The following CCDC102B variants were observed in gnomAD, a reference collection of about 807,000 sequenced individuals.
The protein encoded by CCDC102B is coiled-coil domain-containing protein 102B.
A neutral mutation model predicts 57.4 loss-of-function variants in CCDC102B; 75 were observed. The observed-to-expected ratio is 1.31, with a 90% confidence interval of 1.08 to 1.58. The LOEUF is 1.58. Among genes scored for constraint, CCDC102B ranks in the 40% most tolerant of loss-of-function variants. CCDC102B has a pLI of 0.00. For missense variants in CCDC102B, 636 were observed against 582.6 expected (o/e 1.09, Z -0.94); for synonymous variants, 206 against 201.9 (o/e 1.02, Z -0.17).
intron 6 of CCDC102B, among the ~76,000 whole-genome samples, chr18:68,947,001 T>C (rs903905591): frequency 6.6e-6 from 1 of 151,954 alleles, no homozygotes; most frequent in Non-Finnish European, 1.5e-5. Context: ...GAAATGGAGA[T>C]TTTCACATAT....
chr18:68,773,866 A>T (rs897768476), intron 2 of CCDC102B, among the ~76,000 whole-genome samples: 2 of 152,066 alleles, frequency 1.3e-5, no homozygotes, highest in African/African-American at 4.8e-5. Context: ...GAAATAGTCA[A>T]ATATTTATAT....
intron 4 of CCDC102B, among the ~76,000 whole-genome samples, chr18:68,855,451 A>G (rs1309922808): frequency 6.6e-6 from 1 of 152,186 alleles, no homozygotes; most frequent in Non-Finnish European, 1.5e-5. Flanking sequence ...TTCTTTACAT[A>G]TTTTAACAGA....
intron 7 of CCDC102B, among the ~76,000 whole-genome samples, chr18:69,032,886 A>G (rs2052185748): frequency 6.6e-6 from 1 of 152,128 alleles, no homozygotes; most frequent in East Asian, 1.9e-4. Flanking sequence ...TATTTAGCAG[A>G]CAAGAGAAGA....
intron 6 of CCDC102B, among the ~76,000 whole-genome samples, chr18:68,986,965 AAG>A (rs1425285449): frequency 2.0e-5 from 3 of 152,216 alleles, no homozygotes; most frequent in Non-Finnish European, 4.4e-5. Context: ...CATGGATTGG[AAG>A]AGTCAATATC....
In CCDC102B at chr18:68,836,921, CTG is replaced by C. The variant is rs1269293623; in HGVS notation, c.159_160del (p.Ala54SerfsTer9). The stretch of plus-strand genomic sequence containing the variant: ...CCACTTCATGGGCTACAATCTCATG[CTG>C]CTCACAATTTCTGTGCTCACTCATA... On this transcript the variant is annotated frameshift_variant, in exon 2 of 8. Coordinates refer to ENST00000360242, the MANE Select transcript of CCDC102B (RefSeq NM_024781.3). LOFTEE classifies it high-confidence loss of function. The C allele has an allele frequency of 6.2e-7, 1 of 1,614,144 alleles. No individual in the cohort carries two copies. The highest frequency in any genetic ancestry group is 2.2e-5 in the East Asian group (1 of 44,868).
chr18:68,986,396 A>G (rs968476482), intron 6 of CCDC102B, among the ~76,000 whole-genome samples: 55 of 152,206 alleles, frequency 3.6e-4, no homozygotes, highest in African/African-American at 1.3e-3. Flanking sequence ...CAAACACCAT[A>G]TGATCGTCTC....
At chr18:68,853,846 G>A (rs74891530) in intron 4 of CCDC102B, among the ~76,000 whole-genome samples, 17,568 of 152,000 alleles carry the variant, frequency 0.12, 1,205 homozygotes, top group Admixed American at 0.16. Context: ...ATAATAAAGT[G>A]TGTGTTTGCA....
At chr18:68,776,860 G>A (rs2034836618) in intron 2 of CCDC102B, among the ~76,000 whole-genome samples, 2 of 151,984 alleles carry the variant, frequency 1.3e-5, no homozygotes. Context: ...ATTATTTCTG[G>A]TTAGTCTCAA....
Position 68,857,304 on chromosome 18 carries a change from ATATATATTTATATATT to A in CCDC102B, c.936+10884_936+10899del, listed in dbSNP as rs1426763987. ...TATATATTTATATATTATATATATA[ATATATATTTATATATT>A]ATATATATAAAATATATATTTATAT... is the stretch of plus-strand genomic sequence containing the variant. On this transcript the variant is annotated intron_variant, in intron 4 of 7. Coordinates refer to ENST00000360242, the MANE Select transcript of CCDC102B (RefSeq NM_024781.3). Among the ~76,000 whole-genome samples the A allele has an allele frequency of 9.0e-3, 31 of 3,450 alleles. 6 individuals are homozygous for A. The highest frequency in any genetic ancestry group is 0.051 in the East Asian group (8 of 156). The allele number at this position is 3,450 out of a possible 152,430, so 2.3% of individuals were successfully genotyped here.
intron 2 of CCDC102B, among the ~76,000 whole-genome samples, chr18:68,776,658 C>T (rs2034827975): frequency 6.6e-6 from 1 of 151,886 alleles, no homozygotes; most frequent in Admixed American, 6.6e-5. Flanking sequence ...CGTGGCCTGT[C>T]AGAGGGTGGA....
At chr18:68,832,264 T>C (rs1454377584) in intron 1 of CCDC102B, among the ~76,000 whole-genome samples, 1 of 152,214 alleles carries the variant, frequency 6.6e-6, no homozygotes, top group Non-Finnish European at 1.5e-5. Flanking sequence ...ATTTCATTTT[T>C]CAGATAATAC....
intron 6 of CCDC102B, among the ~76,000 whole-genome samples, chr18:68,932,029 A>C (rs998022955): frequency 3.3e-5 from 5 of 151,808 alleles, no homozygotes; most frequent in Admixed American, 6.6e-5. Context: ...CATTCAGTGA[A>C]TGTTTACTGA....
intron 1 of CCDC102B, among the ~76,000 whole-genome samples, chr18:68,834,344 T>C (rs886174573): frequency 6.6e-6 from 1 of 151,266 alleles, no homozygotes; most frequent in Admixed American, 6.6e-5. Flanking sequence ...TGAATTAAAT[T>C]CTCTGTCTTC....
chr18:68,868,981 C>T (rs1035617816), intron 4 of CCDC102B, among the ~76,000 whole-genome samples: 7 of 151,926 alleles, frequency 4.6e-5, no homozygotes, highest in Non-Finnish European at 8.8e-5. Flanking sequence ...GATGATTAAA[C>T]GGATGTTGCA....
In CCDC102B at chr18:69,037,250, A is replaced by T. The variant is rs952363583; in HGVS notation, c.1435-16780A>T. Among the ~76,000 whole-genome samples, 22 of 152,102 alleles carry T rather than the reference A, an allele frequency of 1.4e-4. 1 individual carries two copies. In the South Asian group the frequency reaches 3.5e-3, roughly 24 times the overall value. The stretch of plus-strand genomic sequence containing the variant: ...GTCGTGGATGTGTATATGCACCCAC[A>T]CATCCGTATGTACAAACACATCCAT... On this transcript the variant is annotated intron_variant, in intron 7 of 7. Coordinates refer to ENST00000360242, the MANE Select transcript of CCDC102B (RefSeq NM_024781.3).
intron 6 of CCDC102B, among the ~76,000 whole-genome samples, chr18:68,938,981 C>A (rs976480644): frequency 1.3e-5 from 2 of 151,692 alleles, no homozygotes; most frequent in African/African-American, 4.8e-5. Flanking sequence ...TACAGAAAAT[C>A]TTTTGAAATA....
upstream of CCDC102B, among the ~76,000 whole-genome samples, chr18:68,794,741 C>T (rs1211820786): frequency 1.3e-5 from 2 of 152,010 alleles, no homozygotes; most frequent in African/African-American, 4.8e-5. Context: ...TGTGTGTGCA[C>T]AGGGGTATTA....
intron 1 of CCDC102B, among the ~76,000 whole-genome samples, chr18:68,806,922 T>G (rs2036053785): frequency 1.3e-5 from 2 of 152,148 alleles, no homozygotes; most frequent in Non-Finnish European, 2.9e-5. Context: ...CCTAACTACA[T>G]CTGATAGGTG....
At chr18:68,833,069 A>G (rs499977) in intron 1 of CCDC102B, among the ~76,000 whole-genome samples, 79,820 of 152,006 alleles carry the variant, frequency 0.53, 22,182 homozygotes, top group Non-Finnish European at 0.65. Flanking sequence ...AAGTATGCCA[A>G]ATGTATTCCT....
Sources: gnomAD v4.1 joint callset for allele counts (sites outside exome capture counted in the v4.1 genomes callset) on GRCh38, gnomAD v4.1.1 for gene constraint, MANE v1.5 for transcripts, NCBI Gene and HGNC (gene_info 2026-07-23, HGNC 2026-07-21) for gene names.